The following GAS2 variants were observed in gnomAD, a reference collection of about 807,000 sequenced individuals.
GAS2 encodes growth arrest specific 2, also known as growth arrest-specific protein 2.
GAS2 carries 20 observed loss-of-function variants against 37.5 expected under a neutral mutation model. The observed-to-expected ratio is 0.53, with a 90% CI of 0.37 to 0.77. GAS2 has a LOEUF of 0.77. GAS2 is among the 30% of genes least tolerant of loss of function. The pLI, the probability that GAS2 is intolerant of heterozygous loss-of-function variation, is 0.00. For missense variants in GAS2, 336 were observed against 373.4 expected (o/e 0.90, Z 0.82); for synonymous variants, 144 against 132.2 (o/e 1.09, Z -0.61).
chr11:22,728,833 A>G (rs1323997979), intron 4 of GAS2, among the ~76,000 whole-genome samples: 1 of 151,668 alleles, frequency 6.6e-6, no homozygotes, highest in Non-Finnish European at 1.5e-5. Context: ...AGGAAGGACA[A>G]TAAGAAGTTC....
chr11:22,673,578 G>A (rs538657284), intron 1 of GAS2, among the ~76,000 whole-genome samples: 13 of 152,184 alleles, frequency 8.5e-5, no homozygotes, highest in South Asian at 6.2e-4. Context: ...TAGTTCTTCC[G>A]TAGTCTTACA....
chr11:22,786,649 T>C (rs1434667686), intron 7 of GAS2, among the ~76,000 whole-genome samples: 2 of 152,142 alleles, frequency 1.3e-5, no homozygotes, highest in Non-Finnish European at 2.9e-5. Flanking sequence ...TCTATGAATG[T>C]TGGCCTTGTG....
At chr11:22,741,231 A>G (rs536305819) in intron 5 of GAS2, among the ~76,000 whole-genome samples, 12 of 152,192 alleles carry the variant, frequency 7.9e-5, no homozygotes, top group African/African-American at 2.7e-4. Flanking sequence ...AAATAGAGCT[A>G]TCATCACTGA....
intron 1 of GAS2, among the ~76,000 whole-genome samples, chr11:22,652,918 G>T (rs569193552): frequency 6.6e-6 from 1 of 150,944 alleles, no homozygotes; most frequent in Non-Finnish European, 1.5e-5. Flanking sequence ...GACCGGAGCG[G>T]TTCCTATTCG....
intron 7 of GAS2, among the ~76,000 whole-genome samples, chr11:22,791,711 A>G (rs879675806): frequency 4.6e-5 from 7 of 152,114 alleles, no homozygotes; most frequent in Non-Finnish European, 7.4e-5. Flanking sequence ...GAAGGAATGA[A>G]CAGAATCAGA....
intron 4 of GAS2, among the ~76,000 whole-genome samples, chr11:22,727,298 C>G (rs968613942): frequency 3.3e-5 from 5 of 151,914 alleles, no homozygotes; most frequent in Non-Finnish European, 5.9e-5. Flanking sequence ...TTGCCTGAAG[C>G]CTTAAAAATC....
intron 3 of GAS2, among the ~76,000 whole-genome samples, chr11:22,710,096 G>A (rs930320485): frequency 1.3e-5 from 2 of 151,768 alleles, no homozygotes; most frequent in Non-Finnish European, 2.9e-5. Flanking sequence ...ACACCAGCAT[G>A]GCACATGTAT....
rs200555475 is a variant in GAS2 at position 22,726,459 on chromosome 11, T to C, written c.409+26T>C. 74 of 1,591,468 alleles carry C rather than the reference T, an allele frequency of 4.6e-5. 1 individual carries two copies. In the African/African-American group the frequency reaches 8.4e-4, roughly 18 times the overall value. ...GTATGTATTAACTTCAGAATTTTAG[T>C]TGATAAGATACGCAAATTATCTTTT... On this transcript the variant is annotated intron_variant, in intron 4 of 7. Transcript: ENST00000454584.
Position 22,640,894 on chromosome 11 carries a change from G to T in GAS2, c.-21+15081G>T, listed in dbSNP as rs150064286. On this transcript the variant is annotated intron_variant, in intron 1 of 5. Transcript: ENST00000528582. ...GCTAAGAAAAGGGGGCAAAAGAAAGGGCATTGTAATTCAAATTAGTGTGTC... is the reference window on the plus strand; with the variant it reads ...GCTAAGAAAAGGGGGCAAAAGAAAGTGCATTGTAATTCAAATTAGTGTGTC... Among the ~76,000 whole-genome samples, 115 of 152,156 alleles carry T rather than the reference G, an allele frequency of 7.6e-4. 1 individual carries two copies. Among genetic ancestry groups the T allele is most frequent in the African/African-American group, 2.6e-3 (110 of 41,516 alleles).
At chr11:22,698,027 T>G (rs1375417822) in intron 3 of GAS2, among the ~76,000 whole-genome samples, 8 of 152,178 alleles carry the variant, frequency 5.3e-5, no homozygotes, top group Non-Finnish European at 1.0e-4. Context: ...TGTGCCAGTT[T>G]TCAAAGGGAA....
intron 3 of GAS2, among the ~76,000 whole-genome samples, chr11:22,703,113 G>A: frequency 6.6e-6 from 1 of 152,086 alleles, no homozygotes; most frequent in Non-Finnish European, 1.5e-5. Context: ...ACACACACAT[G>A]CACACATACA....
intron 4 of GAS2, among the ~76,000 whole-genome samples, chr11:22,736,199 A>T (rs567644295): frequency 8.6e-5 from 13 of 151,996 alleles, no homozygotes; most frequent in Non-Finnish European, 1.9e-4. Context: ...AGTTGATATC[A>T]TTCTAGCCAC....
chr11:22,649,384 TG>T (rs1439778462), intron 1 of GAS2, among the ~76,000 whole-genome samples: 1 of 151,980 alleles, frequency 6.6e-6, no homozygotes, highest in Admixed American at 6.6e-5. Context: ...TTCTCTTTTT[TG>T]GTTGTGTCTC....
intron 3 of GAS2, among the ~76,000 whole-genome samples, chr11:22,705,815 G>A (rs1251466736): frequency 6.6e-6 from 1 of 152,156 alleles, no homozygotes; most frequent in Non-Finnish European, 1.5e-5. Flanking sequence ...CAACTGCTGT[G>A]TATAAATACA....
At chr11:22,632,907 A>AT (rs999476650) in intron 1 of GAS2, among the ~76,000 whole-genome samples, 24 of 148,442 alleles carry the variant, frequency 1.6e-4, no homozygotes, top group South Asian at 4.3e-4. Flanking sequence ...CAGAGTTCTG[A>AT]TTTTTTTTTT....
chr11:22,713,383 A>G (rs959498551), intron 3 of GAS2, among the ~76,000 whole-genome samples: 4 of 152,004 alleles, frequency 2.6e-5, no homozygotes, highest in South Asian at 2.1e-4. Flanking sequence ...ACATAAGAAT[A>G]ATTGGTGTTC....
chr11:22,702,176 T>A (rs1850875952), intron 3 of GAS2: 1 of 152,176 alleles, frequency 6.6e-6, no homozygotes, highest in Non-Finnish European at 1.5e-5. Flanking sequence ...ACCCATACAT[T>A]ATCATTTTCT....
intron 1 of GAS2, among the ~76,000 whole-genome samples, chr11:22,672,127 A>G (rs181697693): frequency 3.9e-4 from 60 of 152,242 alleles, no homozygotes; most frequent in Admixed American, 8.5e-4. Flanking sequence ...CTTCTATTGC[A>G]TGTTAATTAC....
chr11:22,784,911 A>T (rs545596856), intron 7 of GAS2, among the ~76,000 whole-genome samples: 2 of 152,266 alleles, frequency 1.3e-5, no homozygotes, highest in South Asian at 4.1e-4. Flanking sequence ...TTTGAAGACC[A>T]CTTTGCGTCT....
Sources: gnomAD v4.1 joint callset for allele counts (sites outside exome capture counted in the v4.1 genomes callset) on GRCh38, gnomAD v4.1.1 for gene constraint, MANE v1.5 for transcripts, NCBI Gene and HGNC (gene_info 2026-07-23, HGNC 2026-07-21) for gene names.